The following NCOA7 variants were observed in gnomAD, a reference collection of about 807,000 sequenced individuals.
NCOA7 encodes the protein nuclear receptor coactivator 7.
A neutral mutation model predicts 104.3 loss-of-function variants in NCOA7; 45 were observed. The observed-to-expected ratio is 0.43, with a 90% CI of 0.34 to 0.55. The LOEUF (loss-of-function observed/expected upper bound fraction) is 0.55. Among genes scored for constraint, NCOA7 ranks in the 20% least tolerant of loss-of-function variants. The pLI is 0.02. For synonymous variants in NCOA7, 398 were observed against 402.3 expected, an observed-to-expected ratio of 0.99 and a Z score of 0.13; for missense variants, 1,041 against 1,119.7, an observed-to-expected ratio of 0.93 and a Z score of 1.00.
intron 1 of NCOA7, among the ~76,000 whole-genome samples, chr6:125,784,749 C>T (rs933519584): frequency 1.3e-5 from 2 of 152,036 alleles, no homozygotes; most frequent in Non-Finnish European, 2.9e-5. Flanking sequence ...TTGGATAGAT[C>T]TCAAGGGAAT....
intron 2 of NCOA7, among the ~76,000 whole-genome samples, chr6:125,823,168 T>G (rs1256985345): frequency 1.3e-5 from 2 of 152,126 alleles, no homozygotes; most frequent in South Asian, 4.1e-4. Context: ...GGTTTTACAG[T>G]CAATCCCCCC....
chr6:125,862,597 T>C (rs114687595), intron 3 of NCOA7, among the ~76,000 whole-genome samples: 1,969 of 138,664 alleles, frequency 0.014, 536 homozygotes, highest in African/African-American at 0.056. Flanking sequence ...TTCAGTGGAC[T>C]GTTGCTGCTT....
chr6:125,841,130 A>G (rs1326132277), intron 2 of NCOA7, among the ~76,000 whole-genome samples: 4 of 146,834 alleles, frequency 2.7e-5, no homozygotes, highest in Non-Finnish European at 6.0e-5. Context: ...TGACCTAGAG[A>G]TCCACTGCCT....
chr6:125,893,005 T>C (rs1014815734), intron 10 of NCOA7, among the ~76,000 whole-genome samples: 17 of 152,228 alleles, frequency 1.1e-4, no homozygotes, highest in African/African-American at 3.4e-4. Context: ...TTAATTCTCA[T>C]CCAGACCTCC....
chr6:125,807,869 C>T (rs34929016), intron 1 of NCOA7, among the ~76,000 whole-genome samples: 77 of 152,214 alleles, frequency 5.1e-4, no homozygotes, highest in Non-Finnish European at 9.7e-4. Flanking sequence ...ACACATACCT[C>T]TTGGTACAGT....
chr6:125,921,566 G>A (rs1167850870), intron 12 of NCOA7, among the ~76,000 whole-genome samples: 2 of 152,186 alleles, frequency 1.3e-5, no homozygotes, highest in South Asian at 2.1e-4. Context: ...CTTCTTAGTA[G>A]TATGAGGAGT....
At chr6:125,830,981 C>T (rs1172601084) in intron 2 of NCOA7, among the ~76,000 whole-genome samples, 19 of 151,890 alleles carry the variant, frequency 1.3e-4, no homozygotes, top group Admixed American at 1.2e-3. Context: ...ATATTTTCTG[C>T]CCTCCCTAGA....
intron 2 of NCOA7, among the ~76,000 whole-genome samples, chr6:125,841,955 T>G (rs905726179): frequency 3.3e-5 from 5 of 152,210 alleles, no homozygotes; most frequent in Admixed American, 3.3e-4. Context: ...CACTTCTAGT[T>G]TATGACAATG....
chr6:125,915,537 C>T (rs893751654), intron 11 of NCOA7, 57 bp downstream of exon 11: 37 of 1,598,664 alleles, frequency 2.3e-5, no homozygotes, highest in Admixed American at 1.3e-4. Context: ...TAAGCAGTCT[C>T]GCATTCAGAT....
Position 125,889,470 on chromosome 6 carries a change from A to C in NCOA7, c.1416A>C (p.Thr472=), listed in dbSNP as rs1216026736. 1 of 1,614,036 alleles carries C rather than the reference A, an allele frequency of 6.2e-7. No homozygotes were observed. The highest frequency in any genetic ancestry group is 8.5e-7 in the Non-Finnish European group (1 of 1,180,016). ...QVQSALAFLG[T]ENDVELKGAL... ...AGTCAGCCCTAGCCTTTTTGGGAAC[A>C]GAGAATGATGTTGAACTGAAGGGGG... Residue 472 remains threonine (T), a synonymous_variant, in exon 9 of 16, where the codon ACA becomes ACC. Transcript: ENST00000392477.
chr6:125,849,396 A>G (rs1484314003), intron 2 of NCOA7, among the ~76,000 whole-genome samples: 1 of 152,224 alleles, frequency 6.6e-6, no homozygotes, highest in Non-Finnish European at 1.5e-5. Flanking sequence ...GAAGCTCGCA[A>G]TCATGGTATC....
At chr6:125,804,345 C>G (rs1776210918) in intron 1 of NCOA7, among the ~76,000 whole-genome samples, 1 of 152,168 alleles carries the variant, frequency 6.6e-6, no homozygotes, top group Non-Finnish European at 1.5e-5. Flanking sequence ...CTGAAGTGAT[C>G]TTCTGGTGCC....
Position 125,805,490 on chromosome 6 carries a change from A to G in NCOA7, c.-64-9801A>G, listed in dbSNP as rs377251080. On this transcript the variant is annotated intron_variant, in intron 1 of 15. Transcript: ENST00000392477. The stretch of plus-strand genomic sequence containing the variant: ...TAATAGCCCACCCTTACAGGCCATT[A>G]TTAGTGGTTCCTTCTTTGGGGTCAG... Among the ~76,000 whole-genome samples, 6 of 152,286 alleles carry G rather than the reference A, an allele frequency of 3.9e-5. No homozygotes were observed. In the South Asian group the frequency reaches 6.2e-4, roughly 16 times the overall value.
In NCOA7 at chr6:125,865,796, G is replaced by A. The variant is rs563060641; in HGVS notation, c.272-9093G>A. On this transcript the variant is annotated intron_variant, in intron 3 of 15. Transcript: ENST00000392477. ...CTCCCACCTCAGCCTCCCAAGTAGC[G>A]GGGACTATAGGCATGTAGCACCACG... is the stretch of plus-strand genomic sequence containing the variant. 8.9e-5 allele frequency among the ~76,000 whole-genome samples: 12 copies of A among 135,204 alleles called. 2 individuals carry two copies. Among genetic ancestry groups the A allele is most frequent in the African/African-American group, 2.8e-4 (9 of 32,176 alleles). 88.7% of individuals were successfully genotyped at this position (135,204 alleles called of 152,430 possible).
chr6:125,841,886 A>C (rs1047394104), intron 2 of NCOA7, among the ~76,000 whole-genome samples: 1 of 152,204 alleles, frequency 6.6e-6, no homozygotes, highest in Non-Finnish European at 1.5e-5. Flanking sequence ...AAAATTTCAT[A>C]CCTGATATTA....
intron 10 of NCOA7, among the ~76,000 whole-genome samples, chr6:125,912,563 G>T (rs1267139797): frequency 6.6e-6 from 1 of 152,214 alleles, no homozygotes; most frequent in Non-Finnish European, 1.5e-5. Context: ...GTATTTATTG[G>T]TAATCCAACA....
At chr6:125,791,729 G>C (rs1441008948) in intron 1 of NCOA7, among the ~76,000 whole-genome samples, 5 of 152,168 alleles carry the variant, frequency 3.3e-5, no homozygotes, top group African/African-American at 1.2e-4. Flanking sequence ...CTTTGATACA[G>C]GTGTCGGGAG....
At chr6:125,928,340 C>A in intron 15 of NCOA7, 93 bp downstream of exon 15, 1 of 1,167,658 alleles carries the variant, frequency 8.6e-7, no homozygotes, top group South Asian at 1.4e-5. Context: ...ACTTCGGTGT[C>A]AGGTTATTTT....
intron 3 of NCOA7, among the ~76,000 whole-genome samples, chr6:125,872,251 A>G (rs1562952298): frequency 6.6e-6 from 1 of 152,196 alleles, no homozygotes; most frequent in Non-Finnish European, 1.5e-5. Flanking sequence ...AGGCTCAGCA[A>G]ACACATATTT....
Sources: allele counts gnomAD v4.1 joint callset (sites outside exome capture counted in the v4.1 genomes callset), GRCh38; gene constraint gnomAD v4.1.1; transcripts MANE v1.5; gene names NCBI Gene and HGNC (gene_info 2026-07-23, HGNC 2026-07-21).